STK35: variants seen among roughly 807,000 people sequenced by gnomAD.
STK35 encodes the protein serine/threonine kinase 35, also known as serine/threonine-protein kinase 35.
Under a neutral mutation model 37.3 loss-of-function variants are expected in STK35, and 17 were observed. That is an observed-to-expected ratio of 0.46 (90% CI 0.31 to 0.68). STK35 has a LOEUF of 0.68. Ranked by LOEUF, STK35 falls within the 30% of genes least tolerant of loss-of-function variation. The pLI, the probability that STK35 is intolerant of heterozygous loss-of-function variation, is 0.05. For synonymous variants in STK35, 385 were observed against 319.1 expected (o/e 1.21, Z -2.20); for missense variants, 595 against 746.7 (o/e 0.80, Z 2.37).
rs1467194118 is a variant in STK35, at chr20:2,102,046, A to C, written c.165A>C (p.Thr55=). 5 of 1,524,246 alleles carry C rather than the reference A, an allele frequency of 3.3e-6. No homozygotes were observed. Among genetic ancestry groups the C allele is most frequent in the Non-Finnish European group, 4.4e-6 (5 of 1,141,116 alleles). 94.4% of individuals were successfully genotyped at this position (1,524,246 alleles called of 1,614,324 possible). Residue 55 remains threonine, a synonymous_variant, in exon 1 of 4, where the codon ACA becomes ACC. Coordinates refer to ENST00000381482, the MANE Select transcript of STK35 (RefSeq NM_080836.4). ...CCGCGGCAGCAGAAGGATCCGCTAC[A>C]CGCCGGGCTCGGGCCGCCACCTCCC... The part of the protein sequence containing the change: ...ASAAAAEGSA[T]RRARAATSRA...
At chr20:2,137,362 C>A (rs543548313) in intron 3 of STK35, among the ~76,000 whole-genome samples, 1 of 152,320 alleles carries the variant, frequency 6.6e-6, no homozygotes, top group East Asian at 1.9e-4. Context: ...AGAACACCAC[C>A]TCCAAGCCAC....
intron 3 of STK35, among the ~76,000 whole-genome samples, chr20:2,119,229 G>A (rs958414443): frequency 3.3e-5 from 5 of 152,208 alleles, no homozygotes; most frequent in Non-Finnish European, 5.9e-5. Flanking sequence ...AGGTATTCAG[G>A]GAAATTGACC....
Position 2,143,966 on chromosome 20 carries a change from TTTTTC to T in STK35, c.*221_*225del, listed in dbSNP as rs1986214139. 3 of 417,910 alleles carry T rather than the reference TTTTTC, an allele frequency of 7.2e-6. No individual in the cohort carries two copies. The highest frequency in any genetic ancestry group is 1.8e-5 in the South Asian group (1 of 57,022). 25.9% of individuals were successfully genotyped at this position (417,910 alleles called of 1,614,324 possible). A position where few individuals can be genotyped will look rare whatever the true frequency, so the allele number is the denominator to read the frequency against. On this transcript the variant is annotated 3_prime_UTR_variant, in exon 4 of 4. Coordinates refer to ENST00000381482, the MANE Select transcript of STK35 (RefSeq NM_080836.4). ...TTTTTTCCTTTTCTTTTCTTTTTTT[TTTTTC>T]CTCTTTCCTTTTTTTAAATTTAAAC...
chr20:2,114,285 C>G (rs1282742209), intron 2 of STK35, among the ~76,000 whole-genome samples: 2 of 152,032 alleles, frequency 1.3e-5, no homozygotes, highest in Non-Finnish European at 2.9e-5. Context: ...GAAGCTGGGA[C>G]TATTGAGGCC....
chr20:2,106,308 A>G (rs1014424658), intron 2 of STK35, among the ~76,000 whole-genome samples: 6 of 152,246 alleles, frequency 3.9e-5, no homozygotes, highest in African/African-American at 1.4e-4. Flanking sequence ...AGTCCTTTAC[A>G]GTCACCCTTG....
intron 2 of STK35, among the ~76,000 whole-genome samples, chr20:2,103,813 T>C (rs1264529751): frequency 6.6e-6 from 1 of 152,090 alleles, no homozygotes; most frequent in Non-Finnish European, 1.5e-5. Context: ...CCTCTCCCTG[T>C]CTGGTTCCAA....
rs1156305556 is a variant in STK35 at position 2,103,199 on chromosome 20, G to A, written c.726G>A (p.Glu242=). 1 of 1,610,646 alleles carries A rather than the reference G, an allele frequency of 6.2e-7. No individual in the cohort carries two copies. Among genetic ancestry groups the A allele is most frequent in the South Asian group, 1.1e-5 (1 of 90,858 alleles). Residue 242 remains glutamate (E), a synonymous_variant, in exon 2 of 4, where the codon GAG becomes GAA. Coordinates refer to ENST00000381482, the MANE Select transcript of STK35 (RefSeq NM_080836.4). ...KIRCDAPENV[E]LALAEFWALT... ...GCTGCGACGCCCCCGAGAACGTGGAGCTGGCGCTGGCTGAATTCTGGGCCC... is the reference window on the plus strand; with the variant it reads ...GCTGCGACGCCCCCGAGAACGTGGAACTGGCGCTGGCTGAATTCTGGGCCC...
At chr20:2,129,285 C>T (rs1000285475) in intron 3 of STK35, among the ~76,000 whole-genome samples, 20 of 152,122 alleles carry the variant, frequency 1.3e-4, no homozygotes, top group East Asian at 7.7e-4. Context: ...TCTGAGCCTC[C>T]GAGTCTGCCT....
intron 3 of STK35, among the ~76,000 whole-genome samples, chr20:2,121,245 C>T (rs1029455801): frequency 4.6e-5 from 7 of 152,114 alleles, no homozygotes; most frequent in Non-Finnish European, 7.3e-5. Flanking sequence ...CTTGAAATAA[C>T]GGGATAAGAT....
chr20:2,112,201 C>T (rs540569890), intron 2 of STK35, among the ~76,000 whole-genome samples: 2 of 152,312 alleles, frequency 1.3e-5, no homozygotes, highest in South Asian at 4.1e-4. Context: ...CAGGAAGTGC[C>T]TGTCTTTCCA....
At chr20:2,131,952 A>T (rs1323909347) in intron 3 of STK35, among the ~76,000 whole-genome samples, 3 of 152,186 alleles carry the variant, frequency 2.0e-5, no homozygotes, top group Non-Finnish European at 4.4e-5. Flanking sequence ...TTACTTTTTA[A>T]ATTTTTTTTG....
At chr20:2,141,193 A>G (rs1986167284) in intron 3 of STK35, among the ~76,000 whole-genome samples, 1 of 152,212 alleles carries the variant, frequency 6.6e-6, no homozygotes, top group African/African-American at 2.4e-5. Flanking sequence ...TAGGCATGCT[A>G]AATAGAGCTA....
Position 2,103,698 on chromosome 20 carries a change from G to C in STK35, c.892+333G>C, listed in dbSNP as rs545275416. 1.6e-3 allele frequency among the ~76,000 whole-genome samples: 242 copies of C among 152,228 alleles called. 1 individual carries two copies. The highest frequency in any genetic ancestry group is 2.8e-3 in the Non-Finnish European group (190 of 68,010). On this transcript the variant is annotated intron_variant, in intron 2 of 3. Coordinates refer to ENST00000381482, the MANE Select transcript of STK35 (RefSeq NM_080836.4). ...GGTTGGGGGAGTGGAGGAGGGGTCG[G>C]GTTCAGTTAGTAGCAGAACTGCGGA...
At chr20:2,103,446 GCCTT>G in intron 2 of STK35, 81 bp downstream of exon 2, 2 of 1,344,698 alleles carry the variant, frequency 1.5e-6, no homozygotes, top group Non-Finnish European at 2.0e-6. Context: ...ACTGTTCCTG[GCCTT>G]CCTAGGCCTC....
chr20:2,103,410 CCTG>C, intron 2 of STK35, 45 bp downstream of exon 2: 1 of 1,566,238 alleles, frequency 6.4e-7, no homozygotes, highest in Non-Finnish European at 8.7e-7. Flanking sequence ...GCCTGGACCC[CCTG>C]CTCTCCGGAC....
chr20:2,126,580 T>C (rs1158559270), intron 3 of STK35, among the ~76,000 whole-genome samples: 2 of 151,950 alleles, frequency 1.3e-5, no homozygotes, highest in Non-Finnish European at 2.9e-5. Flanking sequence ...CTAGGGAGAG[T>C]GCCCAAGGCT....
chr20:2,112,670 A>C (rs1985642398), intron 2 of STK35, among the ~76,000 whole-genome samples: 1 of 152,188 alleles, frequency 6.6e-6, no homozygotes. Flanking sequence ...GGTGCCTGGT[A>C]AGATGAGATA....
chr20:2,103,484 G>T, intron 2 of STK35, 119 bp downstream of exon 2: 2 of 934,350 alleles, frequency 2.1e-6, no homozygotes, highest in South Asian at 1.7e-5. Context: ...GTCACCCTGT[G>T]CCCTGACACA....
chr20:2,129,781 C>T (rs1003189307), intron 3 of STK35, among the ~76,000 whole-genome samples: 5 of 151,970 alleles, frequency 3.3e-5, no homozygotes, highest in African/African-American at 9.7e-5. Context: ...GCATTGAAGC[C>T]GAGACCTGAA....
Sources: gnomAD v4.1 joint callset for allele counts (sites outside exome capture counted in the v4.1 genomes callset) on GRCh38, gnomAD v4.1.1 for gene constraint, MANE v1.5 for transcripts, NCBI Gene and HGNC (gene_info 2026-07-23, HGNC 2026-07-21) for gene names.